Variants in PHLPP1 observed in about 807,000 individuals in gnomAD.
PHLPP1 encodes the protein PH domain leucine-rich repeat-containing protein phosphatase 1.
Under a neutral mutation model 117.2 loss-of-function variants are expected in PHLPP1, and 42 were observed. That is an observed-to-expected ratio of 0.36 (90% CI 0.28 to 0.46). The LOEUF (loss-of-function observed/expected upper bound fraction) is 0.46. Among genes scored for constraint, PHLPP1 ranks in the 20% least tolerant of loss-of-function variants. The pLI, the probability that PHLPP1 is intolerant of heterozygous loss-of-function variation, is 1.00. For synonymous variants in PHLPP1, 1,042 were observed against 970.7 expected (o/e 1.07, Z -1.37); for missense variants, 2,084 against 2,241.9 (o/e 0.93, Z 1.42).
At position 62,885,661 on chromosome 18, in the gene PHLPP1, A is replaced by G. The variant is rs183699908; in HGVS notation, c.2067-9350A>G. On this transcript the variant is annotated intron_variant, in intron 4 of 16. Transcript: ENST00000262719. The stretch of plus-strand genomic sequence containing the variant: ...GGTGACAGAGTGAGACTCCGTCTCA[A>G]AAACAAAACAAAACAAAACAAAAAA... 4.7e-4 allele frequency among the ~76,000 whole-genome samples: 62 copies of G among 133,172 alleles called. No homozygotes were observed. In the East Asian group the frequency reaches 0.012, roughly 25 times the overall value. The allele number at this position is 133,172 out of a possible 152,430, so 87.4% of individuals were successfully genotyped here.
intron 1 of PHLPP1, among the ~76,000 whole-genome samples, chr18:62,787,278 T>G (rs1913321382): frequency 6.6e-6 from 1 of 152,204 alleles, no homozygotes; most frequent in African/African-American, 2.4e-5. Context: ...ATGATTCTCC[T>G]GCCTCAGCCT....
intron 12 of PHLPP1, among the ~76,000 whole-genome samples, chr18:62,955,343 C>T (rs899065491): frequency 6.6e-6 from 1 of 152,184 alleles, no homozygotes; most frequent in Non-Finnish European, 1.5e-5. Flanking sequence ...TGGGAGCAGG[C>T]TGACGGACTG....
Position 62,918,429 on chromosome 18 carries a change from A to AATAT in PHLPP1, c.2805-1515_2805-1512dup, listed in dbSNP as rs34065978. Among the ~76,000 whole-genome samples the AATAT allele has an allele frequency of 3.2e-3, 455 of 140,502 alleles. 1 individual carries two copies. Among genetic ancestry groups the AATAT allele is most frequent in the Middle Eastern group, 0.022 (6 of 274 alleles). The allele number at this position is 140,502 out of a possible 152,430, so 92.2% of individuals were successfully genotyped here. ...TTAGTTATTTATGTGGTAAAGGATA[A>AATAT]ATATATATATATATATATGATGAAC... On this transcript the variant is annotated intron_variant, in intron 9 of 16. Transcript: ENST00000262719.
chr18:62,842,050 T>G (rs1053669650), intron 3 of PHLPP1, among the ~76,000 whole-genome samples: 5 of 152,204 alleles, frequency 3.3e-5, no homozygotes, highest in Non-Finnish European at 5.9e-5. Flanking sequence ...TACTTACCTT[T>G]TAGGGCTTAT....
At chr18:62,952,949 G>A (rs1285081186) in intron 12 of PHLPP1, among the ~76,000 whole-genome samples, 4 of 152,152 alleles carry the variant, frequency 2.6e-5, no homozygotes, top group African/African-American at 4.8e-5. Flanking sequence ...TAGAATAATA[G>A]TACTACACTG....
chr18:62,805,097 G>T (rs566402507), intron 1 of PHLPP1, among the ~76,000 whole-genome samples: 67 of 139,912 alleles, frequency 4.8e-4, no homozygotes, highest in African/African-American at 1.7e-3. Context: ...GCACTGCATA[G>T]GTTATACATA....
chr18:62,842,948 T>G (rs1915090169), intron 3 of PHLPP1: 1 of 152,088 alleles, frequency 6.6e-6, no homozygotes, highest in Non-Finnish European at 1.5e-5. Context: ...CTAGGGAGAG[T>G]AGACTAGAAT....
At chr18:62,773,219 T>A (rs528003373) in intron 1 of PHLPP1, among the ~76,000 whole-genome samples, 1 of 152,142 alleles carries the variant, frequency 6.6e-6, no homozygotes, top group Non-Finnish European at 1.5e-5. Context: ...CCCCACTTAA[T>A]TTTTTTCTTT....
intron 1 of PHLPP1, among the ~76,000 whole-genome samples, chr18:62,769,923 C>G (rs953402838): frequency 6.6e-6 from 1 of 152,118 alleles, no homozygotes; most frequent in Non-Finnish European, 1.5e-5. Context: ...AAATGCCATG[C>G]TTGAAGAACT....
chr18:62,780,781 C>T (rs942088028), intron 1 of PHLPP1, among the ~76,000 whole-genome samples: 3 of 152,166 alleles, frequency 2.0e-5, no homozygotes, highest in East Asian at 3.8e-4. Flanking sequence ...CATGTGCTGG[C>T]AGCATTTTGA....
chr18:62,715,703 C>T lies in PHLPP1; in HGVS notation c.20C>T (p.Ala7Val). The T allele has an allele frequency of 7.7e-7, 1 of 1,291,972 alleles. No homozygotes were observed. The highest frequency in any genetic ancestry group is 9.8e-7 in the Non-Finnish European group (1 of 1,017,290). The allele number at this position is 1,291,972 out of a possible 1,614,324, so 80.0% of individuals were successfully genotyped here. A position where few individuals can be genotyped will look rare whatever the true frequency, so the allele number is the denominator to read the frequency against. Residue 7 changes from alanine (A) to valine (V), a missense_variant, in exon 1 of 17, where the codon GCC becomes GTC. Coordinates refer to ENST00000262719, the MANE Select transcript of PHLPP1 (RefSeq NM_194449.4). The part of the protein sequence containing the change: MEPAAA[A>V]TVQRLPELGR... Reference sequence around the variant, plus strand: ...ACTGCAATGGAGCCCGCCGCCGCGGCCACGGTACAGCGACTCCCCGAGCTC... The same window carrying T: ...ACTGCAATGGAGCCCGCCGCCGCGGTCACGGTACAGCGACTCCCCGAGCTC...
chr18:62,939,520 T>C (rs1910068218), intron 10 of PHLPP1, among the ~76,000 whole-genome samples: 1 of 152,210 alleles, frequency 6.6e-6, no homozygotes, highest in South Asian at 2.1e-4. Context: ...ACTTGTTTCC[T>C]TCCTACTTCA....
Position 62,980,095 on chromosome 18 carries a change from C to G in PHLPP1, c.*664C>G, listed in dbSNP as rs997273176. The G allele has an allele frequency of 6.6e-6, 1 of 152,370 alleles. No homozygotes were observed. Among genetic ancestry groups the G allele is most frequent in the Non-Finnish European group, 1.5e-5 (1 of 68,118 alleles). The allele number at this position is 152,370 out of a possible 1,614,324, so 9.4% of individuals were successfully genotyped here. On this transcript the variant is annotated 3_prime_UTR_variant, in exon 17 of 17. Transcript: ENST00000262719. ...GACACAGCCCAAGTAACTGACGTTTCCCCTCCCCCTCCCCTCTGAGGAGCC... is the reference window on the plus strand; with the variant it reads ...GACACAGCCCAAGTAACTGACGTTTGCCCTCCCCCTCCCCTCTGAGGAGCC...
chr18:62,860,820 T>C (rs1915613899), intron 4 of PHLPP1, among the ~76,000 whole-genome samples: 1 of 152,218 alleles, frequency 6.6e-6, no homozygotes, highest in African/African-American at 2.4e-5. Context: ...ATTTATGATA[T>C]TTATTAACTG....
intron 1 of PHLPP1, among the ~76,000 whole-genome samples, chr18:62,781,177 A>G (rs1463535100): frequency 6.6e-6 from 1 of 152,212 alleles, no homozygotes; most frequent in Non-Finnish European, 1.5e-5. Context: ...TATTTGCCTC[A>G]TAAGATTTTT....
chr18:62,913,390 C>G (rs548742823), intron 8 of PHLPP1, among the ~76,000 whole-genome samples: 3 of 152,090 alleles, frequency 2.0e-5, no homozygotes, highest in Non-Finnish European at 2.9e-5. Context: ...ATAATTCCTT[C>G]TATTTCTGTA....
At chr18:62,970,935 G>A (rs1911034041) in intron 14 of PHLPP1, among the ~76,000 whole-genome samples, 1 of 152,134 alleles carries the variant, frequency 6.6e-6, no homozygotes, top group Non-Finnish European at 1.5e-5. Flanking sequence ...GGTGGTAAAT[G>A]CTTTTATTTG....
chr18:62,794,563 T>C (rs1913568067), intron 1 of PHLPP1, among the ~76,000 whole-genome samples: 1 of 152,116 alleles, frequency 6.6e-6, no homozygotes, highest in South Asian at 2.1e-4. Context: ...TTTTTAGAGA[T>C]AGGATCTTGC....
At chr18:62,783,009 C>T (rs923209243) in intron 1 of PHLPP1, among the ~76,000 whole-genome samples, 2 of 143,696 alleles carry the variant, frequency 1.4e-5, no homozygotes, top group African/African-American at 5.1e-5. Context: ...ATAAGTAAAT[C>T]ACTTTGATGA....
Sources: gnomAD v4.1 joint callset for allele counts (sites outside exome capture counted in the v4.1 genomes callset) on GRCh38, gnomAD v4.1.1 for gene constraint, MANE v1.5 for transcripts, NCBI Gene and HGNC (gene_info 2026-07-23, HGNC 2026-07-21) for gene names.